Variants in CAMTA1 observed in about 807,000 individuals in gnomAD.
CAMTA1 encodes the protein calmodulin-binding transcription activator 1.
Under a neutral mutation model 170.9 loss-of-function variants are expected in CAMTA1, and 27 were observed. The observed-to-expected ratio is 0.16, with a 90% CI of 0.12 to 0.22. The LOEUF is 0.22. Ranked by LOEUF, CAMTA1 falls within the 10% of genes least tolerant of loss-of-function variation. CAMTA1 has a pLI of 1.00. For synonymous variants in CAMTA1, 833 were observed against 891.5 expected, an observed-to-expected ratio of 0.93 and a Z score of 1.17; for missense variants, 1,619 against 2,217.2, an observed-to-expected ratio of 0.73 and a Z score of 5.42.
chr1:6,997,689 T>G (rs1381097546), intron 3 of CAMTA1, among the ~76,000 whole-genome samples: 3 of 142,386 alleles, frequency 2.1e-5, no homozygotes, highest in Admixed American at 1.4e-4. Flanking sequence ...AGACAGAGTT[T>G]CGCTTTTGTT....
At chr1:7,428,881 C>T (rs533940183) in intron 5 of CAMTA1, among the ~76,000 whole-genome samples, 7 of 152,326 alleles carry the variant, frequency 4.6e-5, no homozygotes, top group African/African-American at 1.7e-4. Context: ...ACTGTAAGGG[C>T]TCAGTGGGTG....
chr1:7,167,828 A>G (rs1648791507), intron 4 of CAMTA1, among the ~76,000 whole-genome samples: 1 of 152,138 alleles, frequency 6.6e-6, no homozygotes, highest in East Asian at 1.9e-4. Flanking sequence ...AGCTCACTGC[A>G]GCCTCGAATT....
intron 6 of CAMTA1, among the ~76,000 whole-genome samples, chr1:7,566,684 G>A (rs2095046946): frequency 6.6e-6 from 1 of 152,210 alleles, no homozygotes; most frequent in South Asian, 2.1e-4. Context: ...AGAGGCCTGA[G>A]TCCCTCTGGG....
intron 6 of CAMTA1, among the ~76,000 whole-genome samples, chr1:7,597,291 C>T (rs1325037089): frequency 6.6e-6 from 1 of 152,166 alleles, no homozygotes; most frequent in Non-Finnish European, 1.5e-5. Context: ...AGAACTGGTG[C>T]GAGGACAAGA....
intron 1 of CAMTA1, among the ~76,000 whole-genome samples, chr1:6,791,752 A>G (rs548646738): frequency 1.3e-5 from 2 of 152,290 alleles, no homozygotes; most frequent in South Asian, 4.1e-4. Context: ...CAGATAGTGT[A>G]TAATCTTTCT....
At chr1:7,494,972 C>T (rs964270587) in intron 6 of CAMTA1, among the ~76,000 whole-genome samples, 8 of 152,028 alleles carry the variant, frequency 5.3e-5, no homozygotes, top group African/African-American at 1.9e-4. Flanking sequence ...GGCTGGGATC[C>T]CGAGACTGTG....
chr1:7,358,179 A>G (rs557500349), intron 5 of CAMTA1, among the ~76,000 whole-genome samples: 39 of 152,358 alleles, frequency 2.6e-4, no homozygotes, highest in African/African-American at 9.1e-4. Flanking sequence ...TGGGGCTACA[A>G]AAAGCCCCAC....
intron 5 of CAMTA1, among the ~76,000 whole-genome samples, chr1:7,450,613 G>A (rs768613924): frequency 7.2e-5 from 11 of 152,226 alleles, no homozygotes; most frequent in Admixed American, 1.3e-4. Context: ...ATTCAATACC[G>A]CCCCGTGCAG....
chr1:6,992,771 A>AG (rs528458365), intron 3 of CAMTA1, among the ~76,000 whole-genome samples: 100 of 152,298 alleles, frequency 6.6e-4, no homozygotes, highest in Non-Finnish European at 1.1e-3. Context: ...GAGAGCAGCA[A>AG]GGGGGAAATG....
At chr1:7,619,334 GC>G (rs1432034693) in intron 6 of CAMTA1, among the ~76,000 whole-genome samples, 1 of 152,224 alleles carries the variant, frequency 6.6e-6, no homozygotes, top group African/African-American at 2.4e-5. Context: ...CAGGGGTTCA[GC>G]CATGTCACCA....
chr1:7,350,123 G>A (rs1357187908), intron 5 of CAMTA1, among the ~76,000 whole-genome samples: 2 of 152,132 alleles, frequency 1.3e-5, no homozygotes, highest in African/African-American at 2.4e-5. Context: ...CCCGAGAGGG[G>A]TGCTCACTCC....
At chr1:6,931,195 A>G (rs1202814776) in intron 3 of CAMTA1, among the ~76,000 whole-genome samples, 1 of 152,220 alleles carries the variant, frequency 6.6e-6, no homozygotes, top group Non-Finnish European at 1.5e-5. Context: ...GCTTACTTTT[A>G]AAATGTGCCT....
At chr1:7,450,406 T>C (rs964930808) in intron 5 of CAMTA1, among the ~76,000 whole-genome samples, 2 of 152,126 alleles carry the variant, frequency 1.3e-5, no homozygotes, top group Non-Finnish European at 2.9e-5. Context: ...GGATTTCCAT[T>C]ATGAGCAGCC....
At chr1:6,862,356 C>T (rs921176855) in intron 3 of CAMTA1, among the ~76,000 whole-genome samples, 1 of 152,194 alleles carries the variant, frequency 6.6e-6, no homozygotes, top group Non-Finnish European at 1.5e-5. Context: ...ATGTGTTAGC[C>T]TTTCCTGCCC....
intron 6 of CAMTA1, among the ~76,000 whole-genome samples, chr1:7,615,086 G>A (rs1017042918): frequency 2.0e-5 from 3 of 152,092 alleles, no homozygotes; most frequent in Non-Finnish European, 4.4e-5. Context: ...TCCATACGAC[G>A]TGTTTGCTGA....
intron 1 of CAMTA1, among the ~76,000 whole-genome samples, chr1:6,813,601 T>C (rs1055336010): frequency 6.6e-6 from 1 of 151,772 alleles, no homozygotes; most frequent in Non-Finnish European, 1.5e-5. Context: ...GACTGAGAGG[T>C]CGTATTTACA....
intron 3 of CAMTA1, among the ~76,000 whole-genome samples, chr1:6,856,048 T>C (rs1173462335): frequency 6.6e-6 from 1 of 152,058 alleles, no homozygotes; most frequent in Non-Finnish European, 1.5e-5. Context: ...TCACTGGAGG[T>C]ACCCTGCTAC....
chr1:7,696,899 C>G (rs1036614114), intron 11 of CAMTA1, among the ~76,000 whole-genome samples: 2 of 152,210 alleles, frequency 1.3e-5, no homozygotes, highest in Admixed American at 6.5e-5. Flanking sequence ...TTAGAAGAAA[C>G]AGCCTGTATT....
In CAMTA1 at chr1:6,995,161, CT is replaced by C. The variant is rs201374756; in HGVS notation, c.235-96134del. ...AAGGCTTGTTCATGTTTTTCAAACT[CT>C]TTTTTTTTCCAGATAGATCAGTATT... On this transcript the variant is annotated intron_variant, in intron 3 of 22. Coordinates refer to ENST00000303635, the MANE Select transcript of CAMTA1 (RefSeq NM_015215.4). Among the ~76,000 whole-genome samples, 8 of 149,878 alleles carry C rather than the reference CT, an allele frequency of 5.3e-5. 1 individual carries two copies. Among genetic ancestry groups the C allele is most frequent in the Admixed American group, 1.3e-4 (2 of 15,004 alleles).
Sources: allele counts gnomAD v4.1 joint callset (sites outside exome capture counted in the v4.1 genomes callset), GRCh38; gene constraint gnomAD v4.1.1; transcripts MANE v1.5; gene names NCBI Gene and HGNC (gene_info 2026-07-23, HGNC 2026-07-21).